CRPPA: variants seen among roughly 807,000 people sequenced by gnomAD.
CRPPA encodes the protein CDP-L-ribitol pyrophosphorylase A.
A neutral mutation model predicts 52.0 loss-of-function variants in CRPPA; 43 were observed. The ratio of observed to expected loss-of-function variants is 0.83; its 90% CI spans 0.65 to 1.07. The LOEUF is 1.07. Among genes scored for constraint, CRPPA ranks in the 50% least tolerant of loss-of-function variants. The probability of loss-of-function intolerance (pLI) is 0.00; values close to 1 mark genes in which losing one functional copy is unlikely to be tolerated. For synonymous variants in CRPPA, 250 were observed against 203.5 expected (o/e 1.23, Z -1.94); for missense variants, 629 against 551.7 (o/e 1.14, Z -1.40).
chr7:16,100,602 G>C (rs1330857964), intron 9 of CRPPA, among the ~76,000 whole-genome samples: 1 of 152,162 alleles, frequency 6.6e-6, no homozygotes, highest in Non-Finnish European at 1.5e-5. Context: ...TGCAAACAGA[G>C]ACAATTTGAC....
intron 2 of CRPPA, among the ~76,000 whole-genome samples, chr7:16,382,567 G>C (rs1787128780): frequency 6.6e-6 from 1 of 151,916 alleles, no homozygotes; most frequent in Non-Finnish European, 1.5e-5. Context: ...AGTTCTCCTG[G>C]ATAATATCCT....
intron 9 of CRPPA, among the ~76,000 whole-genome samples, chr7:16,127,241 G>A (rs1005759470): frequency 6.6e-6 from 1 of 152,062 alleles, no homozygotes; most frequent in Admixed American, 6.6e-5. Flanking sequence ...AAGGAAAAGA[G>A]GGATGAGAAT....
intron 8 of CRPPA, among the ~76,000 whole-genome samples, chr7:16,245,860 A>C (rs73681799): frequency 0.022 from 3,372 of 152,228 alleles, 149 homozygotes; most frequent in East Asian, 0.2. Flanking sequence ...TACATATCTT[A>C]AATTAAAACT....
rs528424375 is a variant in CRPPA, at chr7:16,285,903, C to T, written c.836-7677G>A. On this transcript the variant is annotated intron_variant, in intron 5 of 9. Coordinates refer to ENST00000407010, the MANE Select transcript of CRPPA (RefSeq NM_001101426.4). ...GGGCATGGTGGCGCATGCCTGTAAT[C>T]CCATCTACTTGGGTGGCTGAGCAGG... Among the ~76,000 whole-genome samples, 400 of 148,666 alleles carry T rather than the reference C, an allele frequency of 2.7e-3. 2 individuals carry two copies. Among genetic ancestry groups the T allele is most frequent in the Non-Finnish European group, 4.9e-3 (328 of 67,220 alleles).
chr7:16,206,497 A>G (rs913778618), intron 9 of CRPPA, among the ~76,000 whole-genome samples: 9 of 152,098 alleles, frequency 5.9e-5, no homozygotes, highest in African/African-American at 2.2e-4. Flanking sequence ...TTGTCTGTAC[A>G]TAAGATCTGT....
chr7:16,389,913 C>CAAAA (rs1163092089), intron 2 of CRPPA, among the ~76,000 whole-genome samples: 6 of 34,310 alleles, frequency 1.7e-4, no homozygotes, highest in East Asian at 1.3e-3. Flanking sequence ...GCCTAGTATA[C>CAAAA]AAAAAAAAAA....
chr7:16,303,176 G>T (rs1467190235), intron 4 of CRPPA, among the ~76,000 whole-genome samples: 1 of 152,070 alleles, frequency 6.6e-6, no homozygotes, highest in African/African-American at 2.4e-5. Flanking sequence ...TGGTTGAATT[G>T]CTTGAACAAC....
chr7:16,219,664 C>T (rs1474607226), intron 8 of CRPPA, among the ~76,000 whole-genome samples: 3 of 112,380 alleles, frequency 2.7e-5, no homozygotes, highest in Non-Finnish European at 5.8e-5. Context: ...ACTACAAACA[C>T]CTCTACGCAA....
Position 16,216,088 on chromosome 7 carries a change from C to T in CRPPA, c.1229G>A (p.Gly410Glu), listed in dbSNP as rs1185838909. The change falls in exon 9 of 10, where the codon GGG (glycine) becomes GAG (glutamate). Residue 410 changes from glycine to glutamate, a missense_variant. Gly to Glu is a moderately conservative substitution (Grantham distance 98, BLOSUM62 -2). Coordinates refer to ENST00000407010, the MANE Select transcript of CRPPA (RefSeq NM_001101426.4). The stretch of plus-strand genomic sequence containing the variant: ...TACCTGTGGGTAAGATATGAGAAGC[C>T]CATATAACAAAATATTTCTTTCTTT... ...EVKERNILLY[G>E]LLISYPQDDQ... 2 of 1,597,246 alleles carry T rather than the reference C, an allele frequency of 1.3e-6. No homozygotes were observed. Among genetic ancestry groups the T allele is most frequent in the South Asian group, 2.3e-5 (2 of 88,196 alleles).
intron 8 of CRPPA, among the ~76,000 whole-genome samples, chr7:16,250,347 AC>A (rs1416732793): frequency 6.6e-6 from 1 of 152,242 alleles, no homozygotes; most frequent in Non-Finnish European, 1.5e-5. Context: ...AGGCAGGCCA[AC>A]ATTCAAATTC....
chr7:16,216,594 T>A (rs572933170), intron 8 of CRPPA: 14 of 166,862 alleles, frequency 8.4e-5, no homozygotes, highest in Non-Finnish European at 1.4e-4. Flanking sequence ...GCACCGTGCG[T>A]GAGCGGAAGC....
intron 3 of CRPPA, among the ~76,000 whole-genome samples, chr7:16,309,708 G>T (rs1386197975): frequency 6.6e-6 from 1 of 151,904 alleles, no homozygotes; most frequent in East Asian, 1.9e-4. Flanking sequence ...TCCATGTAAG[G>T]ATTGCACAAG....
chr7:16,219,010 A>C (rs1212201566), intron 8 of CRPPA, among the ~76,000 whole-genome samples: 1 of 152,088 alleles, frequency 6.6e-6, no homozygotes, highest in Non-Finnish European at 1.5e-5. Context: ...CACCACACCA[A>C]ACCTATTCCA....
intron 8 of CRPPA, among the ~76,000 whole-genome samples, chr7:16,229,175 T>G (rs1782727013): frequency 1.3e-5 from 2 of 152,054 alleles, no homozygotes; most frequent in Non-Finnish European, 2.9e-5. Context: ...TGTGTGTCCT[T>G]ACAGGTAAAA....
chr7:16,216,831 G>C (rs1402742888), intron 8 of CRPPA, among the ~76,000 whole-genome samples: 1 of 152,228 alleles, frequency 6.6e-6, no homozygotes, highest in East Asian at 1.9e-4. Context: ...AGCAGTCTGA[G>C]ATCAAACTGC....
chr7:16,092,709 G>GT lies in CRPPA; in HGVS notation c.1252-911_1252-910insA, dbSNP rs1781860650. ...GTCAAAATACTTATTTTAAAATATAGATCTGATCACATCAGTATCCTGACT... is the reference window on the plus strand; with the variant it reads ...GTCAAAATACTTATTTTAAAATATAGTATCTGATCACATCAGTATCCTGACT... On this transcript the variant is annotated intron_variant, in intron 9 of 9. Coordinates refer to ENST00000407010, the MANE Select transcript of CRPPA (RefSeq NM_001101426.4). Among the ~76,000 whole-genome samples the GT allele has an allele frequency of 2.0e-5, 3 of 152,048 alleles. No individual in the cohort carries two copies. The South Asian group carries it at 6.2e-4, about 32-fold the overall frequency.
At chr7:16,267,196 A>G (rs1419795629) in intron 6 of CRPPA, among the ~76,000 whole-genome samples, 2 of 152,186 alleles carry the variant, frequency 1.3e-5, no homozygotes, top group Admixed American at 1.3e-4. Context: ...TGATAGCTAC[A>G]AGCCAGACAC....
intron 8 of CRPPA, among the ~76,000 whole-genome samples, chr7:16,253,730 G>C (rs1167178114): frequency 6.6e-6 from 1 of 152,096 alleles, no homozygotes; most frequent in Non-Finnish European, 1.5e-5. Context: ...AGCCAAAATT[G>C]ACAAACGGGA....
At chr7:16,222,378 G>C (rs1782537410) in intron 8 of CRPPA, among the ~76,000 whole-genome samples, 1 of 149,058 alleles carries the variant, frequency 6.7e-6, no homozygotes, top group Non-Finnish European at 1.5e-5. Context: ...GCACCAGCAT[G>C]GCACATGTAT....
Sources: allele counts gnomAD v4.1 joint callset (sites outside exome capture counted in the v4.1 genomes callset), GRCh38; gene constraint gnomAD v4.1.1; transcripts MANE v1.5; gene names NCBI Gene and HGNC (gene_info 2026-07-23, HGNC 2026-07-21).